Variants in NR1D2 observed in about 807,000 individuals in gnomAD.
NR1D2 encodes V-erbA-related protein 1-related.
NR1D2 carries 25 observed loss-of-function variants against 52.2 expected under a neutral mutation model. The ratio of observed to expected loss-of-function variants is 0.48; its 90% CI spans 0.35 to 0.67. The LOEUF is 0.67. Among genes scored for constraint, NR1D2 ranks in the 30% least tolerant of loss-of-function variants. The probability of loss-of-function intolerance (pLI) is 0.01; values close to 1 mark genes in which losing one functional copy is unlikely to be tolerated. For synonymous variants in NR1D2, 259 were observed against 230.1 expected, an observed-to-expected ratio of 1.13 and a Z score of -1.14; for missense variants, 681 against 707.2, an observed-to-expected ratio of 0.96 and a Z score of 0.42.
At chr3:23,971,651 T>C (rs1399524345) in intron 7 of NR1D2, among the ~76,000 whole-genome samples, 1 of 152,084 alleles carries the variant, frequency 6.6e-6, no homozygotes, top group Non-Finnish European at 1.5e-5. Context: ...TGTTTTATTT[T>C]TTAATTTACT....
At chr3:23,958,969 A>G (rs565825061) in intron 3 of NR1D2, among the ~76,000 whole-genome samples, 1 of 152,200 alleles carries the variant, frequency 6.6e-6, no homozygotes, top group Non-Finnish European at 1.5e-5. Context: ...GCAAACAAAC[A>G]AACAAAAAAT....
intron 1 of NR1D2, among the ~76,000 whole-genome samples, chr3:23,952,550 A>C (rs1705964104): frequency 6.6e-6 from 1 of 151,836 alleles, no homozygotes; most frequent in Non-Finnish European, 1.5e-5. Context: ...TCTCTACTAA[A>C]AAAAAAACAA....
Position 23,954,533 on chromosome 3 carries a change from C to G in NR1D2, c.17-4C>G. Reference sequence around the variant, plus strand: ...AATTATGTGATTTTCCTCCTATTTTCTAGGAGGTGTGATTGCCTATATCAG... The same window carrying G: ...AATTATGTGATTTTCCTCCTATTTTGTAGGAGGTGTGATTGCCTATATCAG... On this transcript the variant is annotated splice_region_variant and splice_polypyrimidine_tract_variant and intron_variant, in intron 1 of 7. Coordinates refer to ENST00000312521, the MANE Select transcript of NR1D2 (RefSeq NM_005126.5). 1 of 1,606,974 alleles carries G rather than the reference C, an allele frequency of 6.2e-7. No homozygotes were observed. The highest frequency in any genetic ancestry group is 8.5e-7 in the Non-Finnish European group (1 of 1,174,768).
intron 1 of NR1D2, among the ~76,000 whole-genome samples, chr3:23,954,000 A>G (rs1282154267): frequency 6.6e-6 from 1 of 152,112 alleles, no homozygotes; most frequent in African/African-American, 2.4e-5. Flanking sequence ...AATCCTTCTC[A>G]CTTAATTTTT....
At chr3:23,968,157 C>T in intron 7 of NR1D2, 134 bp downstream of exon 7, 2 of 661,222 alleles carry the variant, frequency 3.0e-6, no homozygotes, top group South Asian at 3.8e-5. Flanking sequence ...ATTGTATGAC[C>T]CTGTTATTTT....
chr3:23,962,377 C>T lies in NR1D2; in HGVS notation c.918C>T (p.Ser306=). ...LNHDHCGNGL[S]SHFPCSESQQ... ...ATGATCATTGCGGCAATGGGCTTAG[C>T]AGCCATTTTCCCTGTAGTGAGAGCC... The change falls in exon 5 of 8, where the codon AGC becomes AGT. Residue 306 remains serine, a synonymous_variant. Transcript: ENST00000312521. 6.2e-7 allele frequency: 1 copy of T among 1,614,156 alleles called. No homozygotes were observed. The highest frequency in any genetic ancestry group is 8.5e-7 in the Non-Finnish European group (1 of 1,180,002).
chr3:23,965,353 T>G (rs906708416), intron 6 of NR1D2, among the ~76,000 whole-genome samples, 191 bp downstream of exon 6: 3 of 149,624 alleles, frequency 2.0e-5, no homozygotes, highest in Admixed American at 1.3e-4. Context: ...ATTCTCCAGC[T>G]TCAGCCTCCT....
At chr3:23,961,704 T>G (rs1706251831) in intron 4 of NR1D2, among the ~76,000 whole-genome samples, 1 of 152,194 alleles carries the variant, frequency 6.6e-6, no homozygotes, top group Non-Finnish European at 1.5e-5. Context: ...CCGAATTTCC[T>G]ATTTCTTTTC....
Position 23,979,001 on chromosome 3 carries a change from C to G in NR1D2, c.*1582C>G, listed in dbSNP as rs1706810228. Reference sequence around the variant, plus strand: ...TAATTGGATTTTTTGGTAAAGATTGCCTTCTGTATAATGTTTGGATTATAT... The same window carrying G: ...TAATTGGATTTTTTGGTAAAGATTGGCTTCTGTATAATGTTTGGATTATAT... On this transcript the variant is annotated 3_prime_UTR_variant, in exon 8 of 8. Transcript: ENST00000312521. The G allele has an allele frequency of 6.6e-6, 1 of 151,916 alleles. No individual in the cohort carries two copies. The highest frequency in any genetic ancestry group is 2.4e-5 in the African/African-American group (1 of 41,372). 9.4% of individuals were successfully genotyped at this position (151,916 alleles called of 1,614,324 possible).
Position 23,945,458 on chromosome 3 carries a change from A to C in NR1D2, c.-121A>C. On this transcript the variant is annotated 5_prime_UTR_variant, in exon 1 of 8. It removes an upstream start codon present in the reference 5' UTR. Coordinates refer to ENST00000312521, the MANE Select transcript of NR1D2 (RefSeq NM_005126.5). ...CCCGGGAGCCCCGCCCGCTCTGCCC[A>C]TGAGGGGGCCCCGCGACCACCGCTG... is the stretch of plus-strand genomic sequence containing the variant. 8.9e-6 allele frequency: 4 copies of C among 447,804 alleles called. No homozygotes were observed. Among genetic ancestry groups the C allele is most frequent in the Non-Finnish European group, 9.2e-6 (3 of 326,624 alleles). 27.7% of individuals were successfully genotyped at this position (447,804 alleles called of 1,614,324 possible).
At chr3:23,958,205 C>T (rs535815259) in intron 3 of NR1D2, among the ~76,000 whole-genome samples, 2 of 152,244 alleles carry the variant, frequency 1.3e-5, no homozygotes, top group African/African-American at 2.4e-5. Context: ...GTTGCTGGCA[C>T]GTAGTCAGTG....
chr3:23,965,254 T>G, intron 6 of NR1D2, 92 bp downstream of exon 6: 1 of 1,048,228 alleles, frequency 9.5e-7, no homozygotes, highest in Non-Finnish European at 1.3e-6. Flanking sequence ...TTTTTTTTTT[T>G]TTTGAGACAG....
chr3:23,945,495 GGGCGGCGCGGCGCTGAGGCGGCGGC>G lies in NR1D2; in HGVS notation c.-75_-51del. 1.1e-6 allele frequency: 1 copy of G among 873,580 alleles called. No homozygotes were observed. The highest frequency in any genetic ancestry group is 1.4e-6 in the Non-Finnish European group (1 of 703,722). The allele number at this position is 873,580 out of a possible 1,614,324, so 54.1% of individuals were successfully genotyped here. A position where few individuals can be genotyped will look rare whatever the true frequency, so the allele number is the denominator to read the frequency against. On this transcript the variant is annotated 5_prime_UTR_variant, in exon 1 of 8. The change abolishes the stop of an existing upstream ORF in the 5' untranslated region. Transcript: ENST00000312521. ...CGCGACCACCGCTGCTTCCAGCCCGGGGCGGCGCGGCGCTGAGGCGGCGGCGGCGGCGCTGCCCCCTCTGCGGGAA... is the reference window on the plus strand; with the variant it reads ...CGCGACCACCGCTGCTTCCAGCCCGGGGCGGCGCTGCCCCCTCTGCGGGAA...
chr3:23,967,778 G>A, intron 6 of NR1D2, 35 bp from the exon 7 acceptor site: 1 of 1,524,180 alleles, frequency 6.6e-7, no homozygotes, highest in Non-Finnish European at 9.0e-7. Context: ...ATTGCTGTTA[G>A]ACTTCTCCAA....
In NR1D2 at chr3:23,978,618, C is replaced by G. The variant is rs993237036; in HGVS notation, c.*1199C>G. 2 of 152,072 alleles carry G rather than the reference C, an allele frequency of 1.3e-5. No individual in the cohort carries two copies. Among genetic ancestry groups the G allele is most frequent in the African/African-American group, 4.8e-5 (2 of 41,418 alleles). 9.4% of individuals were successfully genotyped at this position (152,072 alleles called of 1,614,324 possible). On this transcript the variant is annotated 3_prime_UTR_variant, in exon 8 of 8. Coordinates refer to ENST00000312521, the MANE Select transcript of NR1D2 (RefSeq NM_005126.5). The stretch of plus-strand genomic sequence containing the variant: ...TGCATTGCTGCCCCTTATACACATG[C>G]TGCAGCTTGATGTTAAAGAATTTTT...
chr3:23,958,723 G>T (rs561313625), intron 3 of NR1D2, among the ~76,000 whole-genome samples: 126 of 151,360 alleles, frequency 8.3e-4, no homozygotes, highest in African/African-American at 2.8e-3. Flanking sequence ...CAAGGTGGGC[G>T]GATCAGTTGA....
At chr3:23,963,724 C>T (rs924380930) in intron 5 of NR1D2, among the ~76,000 whole-genome samples, 5 of 152,154 alleles carry the variant, frequency 3.3e-5, no homozygotes, top group African/African-American at 9.7e-5. Flanking sequence ...GCTGGGATTA[C>T]AGGCATGAGT....
intron 1 of NR1D2, among the ~76,000 whole-genome samples, chr3:23,951,913 G>C (rs142497386): frequency 1.6e-4 from 25 of 152,336 alleles, no homozygotes; most frequent in Admixed American, 5.9e-4. Context: ...TTCTTCTTGT[G>C]TTTGTAGTTT....
In NR1D2 at chr3:23,958,299, A is replaced by G. The variant is rs1706138882; in HGVS notation, c.373-1372A>G. Among the ~76,000 whole-genome samples the G allele has an allele frequency of 2.0e-5, 3 of 152,314 alleles. No individual in the cohort carries two copies. The South Asian group carries it at 6.2e-4, about 32-fold the overall frequency. ...CCAACTTCTGTTAATGTAATCCACA[A>G]TCTAGTGAGGGGATTATAGCTATCA... is the stretch of plus-strand genomic sequence containing the variant. On this transcript the variant is annotated intron_variant, in intron 3 of 7. Coordinates refer to ENST00000312521, the MANE Select transcript of NR1D2 (RefSeq NM_005126.5).
Sources: allele counts gnomAD v4.1 joint callset (sites outside exome capture counted in the v4.1 genomes callset), GRCh38; gene constraint gnomAD v4.1.1; transcripts MANE v1.5; gene names NCBI Gene and HGNC (gene_info 2026-07-23, HGNC 2026-07-21).